The following KRT34 variants were observed in gnomAD, a reference collection of about 807,000 sequenced individuals.
KRT34 encodes the protein keratin, type I cuticular Ha4.
KRT34 carries 31 observed loss-of-function variants against 41.7 expected under a neutral mutation model. That is an observed-to-expected ratio of 0.74 (90% CI 0.56 to 1.00). The LOEUF is 1.00. Ranked by LOEUF, KRT34 falls within the 50% of genes least tolerant of loss-of-function variation. The probability of loss-of-function intolerance (pLI) is 0.00; values close to 1 mark genes in which losing one functional copy is unlikely to be tolerated. For synonymous variants in KRT34, 224 were observed against 212.9 expected, an observed-to-expected ratio of 1.05 and a Z score of -0.45; for missense variants, 523 against 500.3, an observed-to-expected ratio of 1.05 and a Z score of -0.43.
Position 41,382,241 on chromosome 17 carries a change from A to G in KRT34, c.6T>C (p.Ser2=). The part of the protein sequence containing the change: M[S]YSCCLPSLGC... ...CCAGGCTGGGCAGGCAACAACTGTA[A>G]GACATGGTGCTGGAACAGGTAATGG... Residue 2 remains serine (S), a synonymous_variant, in exon 1 of 7, where the codon TCT becomes TCC. Coordinates refer to ENST00000394001, the MANE Select transcript of KRT34 (RefSeq NM_001386014.1). 2 of 1,612,796 alleles carry G rather than the reference A, an allele frequency of 1.2e-6. No homozygotes were observed. Among genetic ancestry groups the G allele is most frequent in the Non-Finnish European group, 1.7e-6 (2 of 1,180,030 alleles).
chr17:41,383,269 G>A (rs111645309), upstream of KRT34, among the ~76,000 whole-genome samples: 6 of 152,154 alleles, frequency 3.9e-5, no homozygotes, highest in South Asian at 1.2e-3. Flanking sequence ...CGCCCGCCTC[G>A]GCCTCCCAAA....
rs1388723850 is a variant in KRT34, at chr17:41,378,944, C to T, written c.1097+12G>A. 2 of 1,613,874 alleles carry T rather than the reference C, an allele frequency of 1.2e-6. No individual in the cohort carries two copies. Among genetic ancestry groups the T allele is most frequent in the African/African-American group, 1.3e-5 (1 of 74,928 alleles). ...ACACATTCTTCCCAGACATTATTTG[C>T]CCCATACTCACTTGCAGTCCTCACT... On this transcript the variant is annotated intron_variant, in intron 6 of 6. Coordinates refer to ENST00000394001, the MANE Select transcript of KRT34 (RefSeq NM_001386014.1).
upstream of KRT34, chr17:41,382,433 A>G (rs1016638837): frequency 2.3e-5 from 31 of 1,364,578 alleles, no homozygotes; most frequent in Non-Finnish European, 3.2e-5. Flanking sequence ...AGATGCTTCT[A>G]AAGAGTCCCC....
chr17:41,377,947 A>G lies in KRT34; in HGVS notation c.*112T>C. The G allele has an allele frequency of 1.4e-6, 1 of 730,102 alleles. No individual in the cohort carries two copies. Among genetic ancestry groups the G allele is most frequent in the South Asian group, 1.7e-5 (1 of 60,558 alleles). 45.2% of individuals were successfully genotyped at this position (730,102 alleles called of 1,614,324 possible). ...AGCATTCTAGAAATAACATAGAGGC[A>G]AGATGAGGTTTCTTGATGTCAGCTG... On this transcript the variant is annotated 3_prime_UTR_variant, in exon 7 of 7. Transcript: ENST00000394001.
At chr17:41,380,047 TC>T (rs1302431788) in intron 3 of KRT34, among the ~76,000 whole-genome samples, 1 of 152,024 alleles carries the variant, frequency 6.6e-6, no homozygotes, top group Admixed American at 6.6e-5. Flanking sequence ...GATCACGAAG[TC>T]AGGAGATCGA....
upstream of KRT34, among the ~76,000 whole-genome samples, chr17:41,382,605 G>A (rs932054010): frequency 6.6e-6 from 1 of 152,036 alleles, no homozygotes; most frequent in Non-Finnish European, 1.5e-5. Flanking sequence ...GGACAGCCAG[G>A]GACATGGGGT....
In KRT34 at chr17:41,381,770, G is replaced by A. The variant is rs866168029; in HGVS notation, c.374C>T (p.Ala125Val). ...QKILCAKAEN[A>V]RLVVNIDNAK... ...ATTGTCAATGTTCACCACCAGCCTGGCATTCTCAGCCTTGGCACACAGAAT... is the reference window on the plus strand; with the variant it reads ...ATTGTCAATGTTCACCACCAGCCTGACATTCTCAGCCTTGGCACACAGAAT... The change falls in exon 2 of 7, where the codon GCC becomes GTC. Residue 125 changes from alanine to valine, a missense_variant. Transcript: ENST00000394001. 25 of 1,614,190 alleles carry A rather than the reference G, an allele frequency of 1.5e-5. No homozygotes were observed. The highest frequency in any genetic ancestry group is 2.1e-5 in the Non-Finnish European group (25 of 1,180,032).
At chr17:41,379,219 A>C in intron 5 of KRT34, 43 bp from the exon 6 acceptor site, 1 of 1,612,334 alleles carries the variant, frequency 6.2e-7, no homozygotes. Flanking sequence ...CTGCTCCTTC[A>C]AAGGGTTTCT....
chr17:41,383,601 C>A (rs1341453792), upstream of KRT34, among the ~76,000 whole-genome samples: 1 of 152,186 alleles, frequency 6.6e-6, no homozygotes, highest in Non-Finnish European at 1.5e-5. Context: ...ACTGCAGACT[C>A]ACCAAGAAAC....
rs2017871969 is a variant in KRT34 at position 41,377,810 on chromosome 17, CA to C, written c.*248del. Reference sequence around the variant, plus strand: ...TAAGTAGTAACTGGAGCTCAGATTACAGGGAGCTGAACATCTTTAGAAACAA... The same window carrying C: ...TAAGTAGTAACTGGAGCTCAGATTACGGGAGCTGAACATCTTTAGAAACAA... On this transcript the variant is annotated 3_prime_UTR_variant, in exon 7 of 7. Coordinates refer to ENST00000394001, the MANE Select transcript of KRT34 (RefSeq NM_001386014.1). 4.2e-6 allele frequency: 2 copies of C among 477,044 alleles called. No homozygotes were observed. Among genetic ancestry groups the C allele is most frequent in the South Asian group, 4.5e-5 (1 of 22,024 alleles). 29.6% of individuals were successfully genotyped at this position (477,044 alleles called of 1,614,324 possible).
At position 41,382,289 on chromosome 17, in the gene KRT34, G is replaced by T. The variant is rs939128679; in HGVS notation, c.-43C>A. On this transcript the variant is annotated 5_prime_UTR_variant, in exon 1 of 7. Transcript: ENST00000394001. ...TGGAAAAGCAGGTAAGCTGCTGGAG[G>T]TGGATGTGGGCAGGTTTGAGTCTCT... 11 of 1,613,174 alleles carry T rather than the reference G, an allele frequency of 6.8e-6. No homozygotes were observed. In the Admixed American group the frequency reaches 8.3e-5, roughly 12 times the overall value.
chr17:41,379,864 C>G, intron 3 of KRT34, 133 bp from the exon 4 acceptor site: 1 of 938,834 alleles, frequency 1.1e-6, no homozygotes, highest in Middle Eastern at 2.4e-4. Flanking sequence ...GTGACACACA[C>G]ATTTTATAGC....
rs1036409469 is a variant in KRT34 at position 41,377,796 on chromosome 17, T to C, written c.*263A>G. Reference sequence around the variant, plus strand: ...TTCAGGAAACACCTTAAGTAGTAACTGGAGCTCAGATTACAGGGAGCTGAA... The same window carrying C: ...TTCAGGAAACACCTTAAGTAGTAACCGGAGCTCAGATTACAGGGAGCTGAA... On this transcript the variant is annotated 3_prime_UTR_variant, in exon 7 of 7. Coordinates refer to ENST00000394001, the MANE Select transcript of KRT34 (RefSeq NM_001386014.1). 4 of 455,674 alleles carry C rather than the reference T, an allele frequency of 8.8e-6. No individual in the cohort carries two copies. Among genetic ancestry groups the C allele is most frequent in the Non-Finnish European group, 1.6e-5 (4 of 254,094 alleles). 28.2% of individuals were successfully genotyped at this position (455,674 alleles called of 1,614,324 possible).
rs750645909 is a variant in KRT34, at chr17:41,379,044, G to A, written c.1009C>T (p.Gln337Ter). ...EIRCDLERQN[Q>*]EYQVLLDVRA... ...ACGTCCAGCAGCACCTGGTACTCCTGGTTCTGCCGCTCCAGGTCACAGCGG... is the reference window on the plus strand; with the variant it reads ...ACGTCCAGCAGCACCTGGTACTCCTAGTTCTGCCGCTCCAGGTCACAGCGG... The change falls in exon 6 of 7, where the codon CAG becomes TAG. Residue 337 changes from glutamine (Q) to a stop codon, truncating the protein, a stop_gained. Coordinates refer to ENST00000394001, the MANE Select transcript of KRT34 (RefSeq NM_001386014.1). LOFTEE classifies it high-confidence loss of function. The A allele has an allele frequency of 8.1e-6, 13 of 1,614,112 alleles. No homozygotes were observed. Among genetic ancestry groups the A allele is most frequent in the Middle Eastern group, 1.6e-4 (1 of 6,084 alleles).
upstream of KRT34, chr17:41,382,364 A>C (rs750255549): frequency 1.2e-6 from 2 of 1,610,298 alleles, no homozygotes; most frequent in African/African-American, 2.7e-5. Flanking sequence ...GGGGCTTGGC[A>C]TACAGCATAG....
intron 3 of KRT34, among the ~76,000 whole-genome samples, 163 bp downstream of exon 3, chr17:41,380,893 C>G (rs2144329825): frequency 6.6e-6 from 1 of 152,318 alleles, no homozygotes; most frequent in Non-Finnish European, 1.5e-5. Flanking sequence ...GAATGAGCAG[C>G]TCACTCCACT....
In KRT34 at chr17:41,381,720, T is replaced by C; in HGVS notation, c.424A>G (p.Arg142Gly). ...CCTTGAAGTTCAACATACTTGCTTC[T>C]GAAGTCGTCAGAGGCCAGCTTGGCA... is the stretch of plus-strand genomic sequence containing the variant. ...DNAKLASDDF[R>G]SKYQTEQSLR... Residue 142 changes from arginine to glycine, a missense_variant, in exon 2 of 7, where the codon AGA becomes GGA. Coordinates refer to ENST00000394001, the MANE Select transcript of KRT34 (RefSeq NM_001386014.1). The C allele has an allele frequency of 6.2e-7, 1 of 1,614,150 alleles. No individual in the cohort carries two copies. Among genetic ancestry groups the C allele is most frequent in the Non-Finnish European group, 8.5e-7 (1 of 1,179,952 alleles).
chr17:41,383,177 C>T (rs1462635227), upstream of KRT34, among the ~76,000 whole-genome samples: 3 of 152,180 alleles, frequency 2.0e-5, no homozygotes, highest in African/African-American at 7.2e-5. Flanking sequence ...CGCCACCACA[C>T]CCGGCTAATT....
chr17:41,379,342 A>G lies in KRT34; in HGVS notation c.876+11T>C. The G allele has an allele frequency of 1.2e-6, 2 of 1,613,200 alleles. No homozygotes were observed. The highest frequency in any genetic ancestry group is 1.7e-6 in the Non-Finnish European group (2 of 1,180,034). The stretch of plus-strand genomic sequence containing the variant: ...TCCCATCGCTCACCAGCAGGTCTGA[A>G]CAATACACACCAGGTTGTGCTGGGC... On this transcript the variant is annotated intron_variant, in intron 5 of 6. Transcript: ENST00000394001.
Sources: allele counts gnomAD v4.1 joint callset (sites outside exome capture counted in the v4.1 genomes callset), GRCh38; gene constraint gnomAD v4.1.1; transcripts MANE v1.5; gene names NCBI Gene and HGNC (gene_info 2026-07-23, HGNC 2026-07-21).